The following CDH9 variants were observed in gnomAD, a reference collection of about 807,000 sequenced individuals.
CDH9 encodes the protein cadherin-9.
CDH9 carries 28 observed loss-of-function variants against 70.9 expected under a neutral mutation model. The ratio of observed to expected loss-of-function variants is 0.40; its 90% confidence interval spans 0.29 to 0.54. CDH9 has a LOEUF of 0.54. CDH9 is among the 20% of genes least tolerant of loss of function. The pLI, the probability that CDH9 is intolerant of heterozygous loss-of-function variation, is 0.59. For synonymous variants in CDH9, 409 were observed against 343.1 expected, an observed-to-expected ratio of 1.19 and a Z score of -2.12; for missense variants, 874 against 984.4, an observed-to-expected ratio of 0.89 and a Z score of 1.50.
intron 1 of CDH9, among the ~76,000 whole-genome samples, chr5:26,992,140 G>T (rs188445030): frequency 1.3e-4 from 20 of 152,234 alleles, no homozygotes; most frequent in Admixed American, 1.2e-3. Flanking sequence ...GCATTCCAGT[G>T]GGAATTGAAT....
intron 2 of CDH9, among the ~76,000 whole-genome samples, chr5:26,975,240 G>A (rs1488587593): frequency 3.9e-5 from 6 of 152,214 alleles, no homozygotes; most frequent in Non-Finnish European, 7.4e-5. Context: ...GACCGGAAGT[G>A]ACTAGAAAAT....
At chr5:26,918,073 T>C (rs1471835736) in intron 2 of CDH9, among the ~76,000 whole-genome samples, 1 of 152,210 alleles carries the variant, frequency 6.6e-6, no homozygotes, top group African/African-American at 2.4e-5. Flanking sequence ...ACATCCAGGA[T>C]AATCTGGCCC....
intron 2 of CDH9, among the ~76,000 whole-genome samples, chr5:26,973,846 G>A (rs1742261054): frequency 6.6e-6 from 1 of 151,966 alleles, no homozygotes; most frequent in South Asian, 2.1e-4. Flanking sequence ...TAAAGTCTAG[G>A]CTTTTTAATA....
intron 1 of CDH9, among the ~76,000 whole-genome samples, chr5:27,002,326 T>G (rs1329842933): frequency 2.0e-5 from 3 of 152,164 alleles, no homozygotes; most frequent in South Asian, 2.1e-4. Flanking sequence ...TTGGTGGGAC[T>G]GTAAACTAGT....
chr5:27,013,217 A>G (rs1383969245), intron 1 of CDH9, among the ~76,000 whole-genome samples: 1 of 151,968 alleles, frequency 6.6e-6, no homozygotes, highest in Non-Finnish European at 1.5e-5. Flanking sequence ...CTAAAGTTTA[A>G]CTAGGAACTT....
chr5:26,981,506 T>C (rs546633678), intron 2 of CDH9, among the ~76,000 whole-genome samples: 2 of 152,192 alleles, frequency 1.3e-5, no homozygotes, highest in South Asian at 4.1e-4. Context: ...GTTGGCTGAA[T>C]AAACATATGT....
chr5:26,968,170 A>G (rs932999406), intron 2 of CDH9, among the ~76,000 whole-genome samples: 4 of 152,244 alleles, frequency 2.6e-5, no homozygotes, highest in Non-Finnish European at 5.9e-5. Context: ...ACATCCAAAC[A>G]AAAGAACTAC....
intron 2 of CDH9, among the ~76,000 whole-genome samples, chr5:26,917,781 C>G (rs1260723131): frequency 6.6e-6 from 1 of 152,026 alleles, no homozygotes; most frequent in Non-Finnish European, 1.5e-5. Flanking sequence ...CACTCTTGCT[C>G]TACTCCAAGC....
chr5:27,017,508 C>T (rs919938169), intron 1 of CDH9, among the ~76,000 whole-genome samples: 1 of 151,950 alleles, frequency 6.6e-6, no homozygotes, highest in Non-Finnish European at 1.5e-5. Context: ...TTCTCCTGCC[C>T]CACATTTAAG....
rs1740449141 is a variant in CDH9, at chr5:26,880,968, T to A, written c.*168A>T. 1 of 550,036 alleles carries A rather than the reference T, an allele frequency of 1.8e-6. No homozygotes were observed. Among genetic ancestry groups the A allele is most frequent in the African/African-American group, 1.9e-5 (1 of 51,674 alleles). The allele number at this position is 550,036 out of a possible 1,614,324, so 34.1% of individuals were successfully genotyped here. On this transcript the variant is annotated 3_prime_UTR_variant, in exon 12 of 12. Coordinates refer to ENST00000231021, the MANE Select transcript of CDH9 (RefSeq NM_016279.4). ...TTTTTAAAAATCTGTATCATTCGTATTCATTCACAAAGACTTACTGATTAA... is the reference window on the plus strand; with the variant it reads ...TTTTTAAAAATCTGTATCATTCGTAATCATTCACAAAGACTTACTGATTAA...
chr5:26,948,511 T>C (rs1741791944), intron 2 of CDH9, among the ~76,000 whole-genome samples: 1 of 152,218 alleles, frequency 6.6e-6, no homozygotes, highest in South Asian at 2.1e-4. Flanking sequence ...GTTACGAATA[T>C]GCAACATGTG....
At chr5:26,936,798 T>C (rs556149403) in intron 2 of CDH9, among the ~76,000 whole-genome samples, 1 of 152,122 alleles carries the variant, frequency 6.6e-6, no homozygotes, top group South Asian at 2.1e-4. Context: ...CAACAAATTA[T>C]TCTGGACACT....
intron 2 of CDH9, among the ~76,000 whole-genome samples, chr5:26,971,014 T>C (rs971222064): frequency 2.6e-5 from 4 of 152,160 alleles, no homozygotes; most frequent in African/African-American, 9.7e-5. Flanking sequence ...GCTTCTGACA[T>C]AGAAGGGGCC....
At chr5:26,950,968 GTGCAT>G (rs1741833628) in intron 2 of CDH9, among the ~76,000 whole-genome samples, 1 of 152,050 alleles carries the variant, frequency 6.6e-6, no homozygotes, top group Non-Finnish European at 1.5e-5. Flanking sequence ...TTGTTATCTT[GTGCAT>G]TTTTTTGCAT....
At chr5:26,977,229 T>C (rs918324896) in intron 2 of CDH9, among the ~76,000 whole-genome samples, 145 of 152,032 alleles carry the variant, frequency 9.5e-4, no homozygotes, top group Middle Eastern at 3.4e-3. Context: ...AAACAGTTTC[T>C]CAGACTAATG....
At chr5:26,961,449 A>G (rs1290156104) in intron 2 of CDH9, among the ~76,000 whole-genome samples, 2 of 152,086 alleles carry the variant, frequency 1.3e-5, no homozygotes, top group African/African-American at 4.8e-5. Flanking sequence ...TATAGCTTCA[A>G]TTGTAAATGG....
chr5:26,943,507 C>A, intron 2 of CDH9, among the ~76,000 whole-genome samples: 2 of 81,196 alleles, frequency 2.5e-5, no homozygotes. Context: ...AGTGAGACTC[C>A]ATCTCAAAAA....
chr5:26,983,686 T>A (rs933372894), intron 2 of CDH9, among the ~76,000 whole-genome samples: 2 of 151,810 alleles, frequency 1.3e-5, no homozygotes, highest in African/African-American at 4.8e-5. Flanking sequence ...CTCCATGTAC[T>A]GCACTATAAG....
At chr5:26,966,816 T>A (rs1742136827) in intron 2 of CDH9, among the ~76,000 whole-genome samples, 1 of 152,238 alleles carries the variant, frequency 6.6e-6, no homozygotes, top group Non-Finnish European at 1.5e-5. Context: ...GTTCTTTTTC[T>A]GCTCCCCAAA....
Sources: allele counts gnomAD v4.1 joint callset (sites outside exome capture counted in the v4.1 genomes callset), GRCh38; gene constraint gnomAD v4.1.1; transcripts MANE v1.5; gene names NCBI Gene and HGNC (gene_info 2026-07-23, HGNC 2026-07-21).